DPF3: variants seen among roughly 807,000 people sequenced by gnomAD.
DPF3 encodes the protein double PHD fingers 3, also known as zinc finger protein DPF3.
A neutral mutation model predicts 56.8 loss-of-function variants in DPF3; 18 were observed. That is an observed-to-expected ratio of 0.32 (90% CI 0.22 to 0.47). DPF3 has a LOEUF of 0.47. Ranked by LOEUF, DPF3 falls within the 20% of genes least tolerant of loss-of-function variation. The probability of loss-of-function intolerance (pLI) is 1.00; values close to 1 mark genes in which losing one functional copy is unlikely to be tolerated. For missense variants in DPF3, 403 were observed against 488.8 expected, an observed-to-expected ratio of 0.82 and a Z score of 1.65; for synonymous variants, 188 against 180.2, an observed-to-expected ratio of 1.04 and a Z score of -0.35.
chr14:72,894,083 C>A lies in DPF3; in HGVS notation c.6G>T (p.Ala2=). ...CTTTCAGGGGGTTGTGAATGACAGT[C>A]GCCATTTTGCTACAATGTAACAGAA... is the stretch of plus-strand genomic sequence containing the variant. M[A]TVIHNPLKAL... is the part of the protein sequence containing the mutation. Residue 2 remains alanine (A), a synonymous_variant, in exon 1 of 11, where the codon GCG becomes GCT. Coordinates refer to ENST00000556509, the MANE Select transcript of DPF3 (RefSeq NM_001280542.3). 1 of 1,601,288 alleles carries A rather than the reference C, an allele frequency of 6.2e-7. No individual in the cohort carries two copies. Among genetic ancestry groups the A allele is most frequent in the East Asian group, 2.3e-5 (1 of 44,208 alleles).
At chr14:72,872,750 G>C (rs1885951458) in intron 1 of DPF3, among the ~76,000 whole-genome samples, 1 of 152,064 alleles carries the variant, frequency 6.6e-6, no homozygotes, top group East Asian at 1.9e-4. Flanking sequence ...CAGAACAGAG[G>C]CCTCAGAAAT....
At chr14:72,722,445 T>A (rs4415952) in intron 5 of DPF3, among the ~76,000 whole-genome samples, 1 of 152,004 alleles carries the variant, frequency 6.6e-6, no homozygotes, top group African/African-American at 2.4e-5. Context: ...TATAAAGCCC[T>A]GCCCCAGAGC....
At chr14:72,697,716 C>T (rs990030159) in intron 6 of DPF3, among the ~76,000 whole-genome samples, 3 of 151,968 alleles carry the variant, frequency 2.0e-5, no homozygotes, top group South Asian at 2.1e-4. Context: ...TTGAAGGTAG[C>T]GAGGGGCTAT....
chr14:72,855,724 G>C (rs1276718838), intron 1 of DPF3, among the ~76,000 whole-genome samples: 1 of 152,184 alleles, frequency 6.6e-6, no homozygotes, highest in Non-Finnish European at 1.5e-5. Flanking sequence ...GGGAGGCAAA[G>C]GATTCTACTG....
chr14:72,783,653 G>A (rs1892083014), intron 1 of DPF3, among the ~76,000 whole-genome samples: 1 of 152,222 alleles, frequency 6.6e-6, no homozygotes, highest in African/African-American at 2.4e-5. Context: ...AGACTGGGGT[G>A]AGGTAGATAA....
At chr14:72,742,145 C>T (rs939723189) in intron 3 of DPF3, among the ~76,000 whole-genome samples, 1 of 152,230 alleles carries the variant, frequency 6.6e-6, no homozygotes, top group Non-Finnish European at 1.5e-5. Context: ...CACCTCGCTC[C>T]AGCTCCCCTT....
chr14:72,727,827 T>C (rs1026452562), intron 4 of DPF3, among the ~76,000 whole-genome samples: 3 of 152,158 alleles, frequency 2.0e-5, no homozygotes, highest in Admixed American at 1.3e-4. Context: ...AATGAATGAA[T>C]GAAAAAGCAT....
intron 3 of DPF3, among the ~76,000 whole-genome samples, chr14:72,743,420 C>A (rs1890206963): frequency 6.6e-6 from 1 of 152,108 alleles, no homozygotes; most frequent in Non-Finnish European, 1.5e-5. Flanking sequence ...GGGAAATTAG[C>A]TTCCTAATTC....
intron 8 of DPF3, among the ~76,000 whole-genome samples, chr14:72,641,321 T>A (rs754668398): frequency 1.3e-5 from 2 of 152,220 alleles, no homozygotes; most frequent in Non-Finnish European, 2.9e-5. Context: ...CCGTGCACAA[T>A]GATCTCAGGA....
intron 1 of DPF3, among the ~76,000 whole-genome samples, chr14:72,807,701 T>G (rs1173506092): frequency 6.6e-6 from 1 of 152,154 alleles, no homozygotes; most frequent in East Asian, 1.9e-4. Flanking sequence ...AATCCAGTCT[T>G]ACAAGAGTAT....
chr14:72,759,639 TC>T (rs1242959175), intron 2 of DPF3, among the ~76,000 whole-genome samples: 1 of 152,068 alleles, frequency 6.6e-6, no homozygotes, highest in Non-Finnish European at 1.5e-5. Flanking sequence ...GCTGGAAATT[TC>T]TGAAATTTGA....
At chr14:72,888,991 C>T (rs1886651178) in intron 1 of DPF3, among the ~76,000 whole-genome samples, 1 of 152,208 alleles carries the variant, frequency 6.6e-6, no homozygotes, top group Admixed American at 6.5e-5. Flanking sequence ...CAAAACAAAA[C>T]ATGCTGACCA....
intron 7 of DPF3, among the ~76,000 whole-genome samples, chr14:72,674,849 C>T (rs552270510): frequency 6.6e-6 from 1 of 152,322 alleles, no homozygotes; most frequent in Non-Finnish European, 1.5e-5. Flanking sequence ...AAATGGAAAA[C>T]AAAGAAGCAC....
intron 1 of DPF3, among the ~76,000 whole-genome samples, chr14:72,799,371 C>T (rs887291195): frequency 6.6e-6 from 1 of 152,126 alleles, no homozygotes; most frequent in Non-Finnish European, 1.5e-5. Context: ...ATAAGAAAAC[C>T]GGCCATGTTC....
chr14:72,740,813 G>A (rs1273766972), intron 3 of DPF3, among the ~76,000 whole-genome samples: 1 of 152,184 alleles, frequency 6.6e-6, no homozygotes, highest in Non-Finnish European at 1.5e-5. Flanking sequence ...CTGAGTTCTG[G>A]GACATAGGAG....
intron 1 of DPF3, among the ~76,000 whole-genome samples, chr14:72,811,827 G>C (rs4903063): frequency 0.97 from 146,871 of 152,176 alleles, 70,920 homozygotes; most frequent in East Asian, 1. Flanking sequence ...GGAAGGGCAA[G>C]CTGTAGGTTA....
chr14:72,695,915 G>T (rs926819692), intron 6 of DPF3, among the ~76,000 whole-genome samples: 3 of 151,832 alleles, frequency 2.0e-5, no homozygotes, highest in African/African-American at 7.3e-5. Flanking sequence ...CATAAATATT[G>T]TAAAAAAAAT....
chr14:72,624,459 G>A (rs765766389), intron 9 of DPF3, among the ~76,000 whole-genome samples: 24 of 149,756 alleles, frequency 1.6e-4, no homozygotes, highest in Non-Finnish European at 2.2e-4. Context: ...CTGCCTCAGC[G>A]TCCTGAGTAA....
rs150116748 is a variant in DPF3, at chr14:72,667,523, T to C, written c.871+6717A>G. 1.1e-4 allele frequency among the ~76,000 whole-genome samples: 17 copies of C among 152,368 alleles called. No individual in the cohort carries two copies. The East Asian group carries it at 2.9e-3, about 26-fold the overall frequency. On this transcript the variant is annotated intron_variant, in intron 8 of 10. Coordinates refer to ENST00000556509, the MANE Select transcript of DPF3 (RefSeq NM_001280542.3). ...TCATCTTGATGACTCTAATTTCTTT[T>C]GTATTTTAAATTTTGAGTAGTGATA... is the stretch of plus-strand genomic sequence containing the variant.
Sources: allele counts gnomAD v4.1 joint callset (sites outside exome capture counted in the v4.1 genomes callset), GRCh38; gene constraint gnomAD v4.1.1; transcripts MANE v1.5; gene names NCBI Gene and HGNC (gene_info 2026-07-23, HGNC 2026-07-21).